PTPRD: variants seen among roughly 807,000 people sequenced by gnomAD.
PTPRD encodes protein tyrosine phosphatase receptor type D, also known as receptor-type tyrosine-protein phosphatase delta.
A neutral mutation model predicts 214.5 loss-of-function variants in PTPRD; 34 were observed. The ratio of observed to expected loss-of-function variants is 0.16; its 90% CI spans 0.12 to 0.21. The LOEUF is 0.21. Among genes scored for constraint, PTPRD ranks in the 10% least tolerant of loss-of-function variants. PTPRD has a pLI of 1.00. For missense variants in PTPRD, 2,545 were observed against 2,398.7 expected, an observed-to-expected ratio of 1.06 and a Z score of -1.27; for synonymous variants, 1,128 against 845.7, an observed-to-expected ratio of 1.33 and a Z score of -5.79.
At chr9:8,506,688 C>A (rs1409185120) in intron 22 of PTPRD, among the ~76,000 whole-genome samples, 1 of 152,176 alleles carries the variant, frequency 6.6e-6, no homozygotes, top group Non-Finnish European at 1.5e-5. Flanking sequence ...TAGAACAGTG[C>A]CCATTAATGA....
intron 39 of PTPRD, among the ~76,000 whole-genome samples, chr9:8,345,846 T>C (rs1256180856): frequency 6.6e-6 from 1 of 152,064 alleles, no homozygotes; most frequent in African/African-American, 2.4e-5. Context: ...GTGCTAATTC[T>C]CTACCTGCCT....
chr9:9,372,358 A>T (rs191612327), intron 9 of PTPRD, among the ~76,000 whole-genome samples: 1 of 151,842 alleles, frequency 6.6e-6, no homozygotes, highest in Non-Finnish European at 1.5e-5. Flanking sequence ...ATCCCTTTAC[A>T]ATTATGTAAT....
intron 9 of PTPRD, among the ~76,000 whole-genome samples, chr9:9,245,972 A>G (rs1459528721): frequency 6.6e-6 from 1 of 152,088 alleles, no homozygotes; most frequent in Non-Finnish European, 1.5e-5. Flanking sequence ...CGTTCAAGCA[A>G]AGCAAACTTA....
chr9:9,978,877 G>C (rs2095448941), intron 4 of PTPRD, among the ~76,000 whole-genome samples: 1 of 151,466 alleles, frequency 6.6e-6, no homozygotes, highest in African/African-American at 2.4e-5. Context: ...GGTAGCCAGA[G>C]AAAAAAGAAA....
At chr9:9,002,957 A>G (rs947852583) in intron 11 of PTPRD, among the ~76,000 whole-genome samples, 1 of 152,032 alleles carries the variant, frequency 6.6e-6, no homozygotes, top group African/African-American at 2.4e-5. Flanking sequence ...AATGTTCAAC[A>G]ATTTTGTGAG....
intron 8 of PTPRD, among the ~76,000 whole-genome samples, chr9:9,426,453 C>T (rs2080962541): frequency 6.6e-6 from 1 of 152,194 alleles, no homozygotes; most frequent in Non-Finnish European, 1.5e-5. Flanking sequence ...AGGAGGCCTG[C>T]CTGCCTCTGT....
intron 7 of PTPRD, among the ~76,000 whole-genome samples, chr9:9,575,063 T>C (rs1432454043): frequency 1.3e-5 from 2 of 151,914 alleles, no homozygotes; most frequent in Non-Finnish European, 2.9e-5. Flanking sequence ...AGCTGATGGA[T>C]AACATTTGCA....
chr9:10,234,118 A>T (rs2099621341), intron 3 of PTPRD, among the ~76,000 whole-genome samples: 1 of 151,656 alleles, frequency 6.6e-6, no homozygotes, highest in South Asian at 2.1e-4. Context: ...GCCAAGCATG[A>T]TGGCATACAC....
chr9:8,603,014 A>AAATAT (rs1219137514), intron 14 of PTPRD, among the ~76,000 whole-genome samples: 1 of 152,174 alleles, frequency 6.6e-6, no homozygotes, highest in African/African-American at 2.4e-5. Context: ...CACTGCAAAA[A>AAATAT]AATATAGCAA....
intron 7 of PTPRD, among the ~76,000 whole-genome samples, chr9:9,719,548 C>T (rs1183707608): frequency 4.5e-5 from 5 of 112,034 alleles, no homozygotes; most frequent in African/African-American, 2.5e-4. Context: ...GAAGCAGCAG[C>T]GAGGCAAGCC....
At chr9:8,945,937 G>A (rs572748556) in intron 11 of PTPRD, among the ~76,000 whole-genome samples, 2 of 152,236 alleles carry the variant, frequency 1.3e-5, no homozygotes, top group South Asian at 2.1e-4. Context: ...CTTAATTCCT[G>A]TAATATATTC....
At chr9:9,354,105 AT>A (rs921442350) in intron 9 of PTPRD, among the ~76,000 whole-genome samples, 90 of 151,726 alleles carry the variant, frequency 5.9e-4, no homozygotes, top group Non-Finnish European at 1.1e-3. Context: ...ATTTTGGTGA[AT>A]CCCCCCACAC....
intron 11 of PTPRD, among the ~76,000 whole-genome samples, chr9:8,891,948 T>C (rs974815430): frequency 6.6e-6 from 1 of 152,194 alleles, no homozygotes; most frequent in Non-Finnish European, 1.5e-5. Context: ...CTAAAAATCC[T>C]TGTGATTATC....
rs1160676213 is a variant in PTPRD, at chr9:8,359,106, TCAAAAAAAAAAAAAAA to T, written c.4661+16814_4661+16829del. 2.4e-3 allele frequency among the ~76,000 whole-genome samples: 70 copies of T among 29,266 alleles called. 1 individual carries two copies. The South Asian group carries it at 0.037, about 16-fold the overall frequency. 19.2% of individuals were successfully genotyped at this position (29,266 alleles called of 152,430 possible). On this transcript the variant is annotated intron_variant, in intron 39 of 45. Transcript: ENST00000381196. ...CTGGGCCACAGAGCGAGACTCCGTC[TCAAAAAAAAAAAAAAA>T]CAAAAAAAAAAAAAAACAAAAAAAA... is the stretch of plus-strand genomic sequence containing the variant.
At chr9:10,123,653 G>C (rs1042429065) in intron 3 of PTPRD, among the ~76,000 whole-genome samples, 5 of 152,140 alleles carry the variant, frequency 3.3e-5, no homozygotes, top group Non-Finnish European at 5.9e-5. Flanking sequence ...AACGTGGGCA[G>C]ATCAATAAAA....
chr9:9,235,520 T>C (rs962721414), intron 9 of PTPRD, among the ~76,000 whole-genome samples: 3 of 152,134 alleles, frequency 2.0e-5, no homozygotes, highest in African/African-American at 7.2e-5. Flanking sequence ...TATGTTCTTC[T>C]CCTCTTGTCT....
intron 11 of PTPRD, among the ~76,000 whole-genome samples, chr9:8,832,330 G>A (rs1401578347): frequency 6.6e-6 from 1 of 150,880 alleles, no homozygotes; most frequent in Non-Finnish European, 1.5e-5. Flanking sequence ...ACTGACAGTG[G>A]GTAACAGTGT....
At chr9:8,942,877 G>C (rs2099042134) in intron 11 of PTPRD, among the ~76,000 whole-genome samples, 1 of 151,996 alleles carries the variant, frequency 6.6e-6, no homozygotes, top group Admixed American at 6.6e-5. Context: ...CTTACACTTG[G>C]AGAAACCTAA....
chr9:10,515,585 T>C (rs950892358), intron 2 of PTPRD, among the ~76,000 whole-genome samples: 2 of 151,968 alleles, frequency 1.3e-5, no homozygotes, highest in African/African-American at 4.8e-5. Flanking sequence ...ATTTAAAATT[T>C]GTAGTAAGAA....
Sources: allele counts gnomAD v4.1 joint callset (sites outside exome capture counted in the v4.1 genomes callset), GRCh38; gene constraint gnomAD v4.1.1; transcripts MANE v1.5; gene names NCBI Gene and HGNC (gene_info 2026-07-23, HGNC 2026-07-21).